The following LRRC9 variants were observed in gnomAD, a reference collection of about 807,000 sequenced individuals.
LRRC9 encodes the protein leucine rich repeat containing 9.
A neutral mutation model predicts 63.2 loss-of-function variants in LRRC9; 122 were observed. That is an observed-to-expected ratio of 1.93 (90% CI 1.67 to 2.24). LRRC9 has a LOEUF of 2.24. LRRC9 is among the 30% of genes most tolerant of loss of function. The pLI is 0.00. For synonymous variants in LRRC9, 366 were observed against 213.1 expected (o/e 1.72, Z -6.25); for missense variants, 1,071 against 627.7 (o/e 1.71, Z -7.55).
intron 23 of LRRC9, 122 bp downstream of exon 23, chr14:60,008,336 A>C: frequency 2.0e-6 from 1 of 497,514 alleles, no homozygotes; most frequent in Non-Finnish European, 3.5e-6. Context: ...ATACTTATTA[A>C]ATCTAGGTCT....
chr14:59,986,938 T>G lies in LRRC9; in HGVS notation c.2211+1714T>G, dbSNP rs1887532877. ...CTTTCAAATGTCAAGTCTCTAAAAA[T>G]GACTCTAAGGATATTAGAGGTGGCC... On this transcript the variant is annotated intron_variant, in intron 17 of 31. Coordinates refer to ENST00000445360, the Ensembl canonical transcript of LRRC9. The surrounding 1 kb of genome is among the most constrained non-coding windows in gnomAD (Gnocchi z 4.7). Among the ~76,000 whole-genome samples the G allele has an allele frequency of 6.6e-6, 1 of 152,150 alleles. No homozygotes were observed. Among genetic ancestry groups the G allele is most frequent in the African/African-American group, 2.4e-5 (1 of 41,446 alleles).
intron 27 of LRRC9, among the ~76,000 whole-genome samples, chr14:60,025,228 C>T (rs1226328892): frequency 1.3e-5 from 2 of 151,758 alleles, no homozygotes; most frequent in African/African-American, 4.8e-5. Flanking sequence ...GTAGCTGGGA[C>T]TATAGGCTTG....
intron 19 of LRRC9, among the ~76,000 whole-genome samples, chr14:59,999,518 C>T (rs1194488561): frequency 6.6e-6 from 1 of 152,010 alleles, no homozygotes; most frequent in African/African-American, 2.4e-5. Context: ...CTAGAGCCTA[C>T]ATGAAAATAA....
Position 59,958,120 on chromosome 14 carries a change from A to G in LRRC9, c.883-1698A>G, listed in dbSNP as rs1883969853. Among the ~76,000 whole-genome samples the G allele has an allele frequency of 6.6e-6, 1 of 152,166 alleles. No homozygotes were observed. Among genetic ancestry groups the G allele is most frequent in the Non-Finnish European group, 1.5e-5 (1 of 68,028 alleles). On this transcript the variant is annotated intron_variant, in intron 8 of 31. Coordinates refer to ENST00000445360, the Ensembl canonical transcript of LRRC9. This position sits in a 1 kb window ranked among gnomAD's most constrained non-coding sequence, Gnocchi z 4.0. ...GGCACGGGGGTCAGGAACCCACTTGAGCAGGCAGTCTGTCCCTTAGCAGAG... is the reference window on the plus strand; with the variant it reads ...GGCACGGGGGTCAGGAACCCACTTGGGCAGGCAGTCTGTCCCTTAGCAGAG...
chr14:60,063,438 C>T (rs2140481964), exon 32 of LRRC9: 1 of 623,812 alleles, frequency 1.6e-6, no homozygotes, highest in Non-Finnish European at 2.8e-6. Flanking sequence ...GGACAGTGGT[C>T]AGTTAAAAAA....
chr14:60,019,414 C>A (rs976517960), intron 26 of LRRC9, among the ~76,000 whole-genome samples, 154 bp downstream of exon 26: 1 of 151,902 alleles, frequency 6.6e-6, no homozygotes, highest in Middle Eastern at 3.4e-3. Flanking sequence ...CAAAAATAAA[C>A]TTCATAATAA....
Position 59,986,061 on chromosome 14 carries a change from G to C in LRRC9, c.2211+837G>C, listed in dbSNP as rs765850884. Among the ~76,000 whole-genome samples, 16 of 152,040 alleles carry C rather than the reference G, an allele frequency of 1.1e-4. No homozygotes were observed. Among genetic ancestry groups the C allele is most frequent in the Non-Finnish European group, 2.4e-4 (16 of 67,948 alleles). Reference sequence around the variant, plus strand: ...TCAGTTCCTCCCATCTGCTCATCCAGGTTATTATTTCTTTCTTTCTGTCTT... The same window carrying C: ...TCAGTTCCTCCCATCTGCTCATCCACGTTATTATTTCTTTCTTTCTGTCTT... On this transcript the variant is annotated intron_variant, in intron 17 of 31. Coordinates refer to ENST00000445360, the Ensembl canonical transcript of LRRC9. The surrounding 1 kb of genome is among the most constrained non-coding windows in gnomAD (Gnocchi z 4.7).
rs886822696 is a variant in LRRC9 at position 60,042,288 on chromosome 14, G to T, written c.3990+10225G>T. Among the ~76,000 whole-genome samples, 2 of 152,210 alleles carry T rather than the reference G, an allele frequency of 1.3e-5. No individual in the cohort carries two copies. Among genetic ancestry groups the T allele is most frequent in the African/African-American group, 4.8e-5 (2 of 41,450 alleles). On this transcript the variant is annotated intron_variant, in intron 29 of 31. Coordinates refer to ENST00000445360, the Ensembl canonical transcript of LRRC9. The surrounding 1 kb of genome is among the most constrained non-coding windows in gnomAD (Gnocchi z 4.2). Reference sequence around the variant, plus strand: ...ACTCTCTTCAAAGCTGTCAGATAGGGACGTTTAAGTCTGCAGAAGTTTCTG... The same window carrying T: ...ACTCTCTTCAAAGCTGTCAGATAGGTACGTTTAAGTCTGCAGAAGTTTCTG...
chr14:60,051,343 A>C lies in LRRC9; in HGVS notation c.3991-1722A>C, dbSNP rs1362492706. ...GAAGAATGGATCAGGGTGCCACTTAAAGAAGCAGTCTGAGCATGATCTTGC... is the reference window on the plus strand; with the variant it reads ...GAAGAATGGATCAGGGTGCCACTTACAGAAGCAGTCTGAGCATGATCTTGC... On this transcript the variant is annotated intron_variant, in intron 29 of 31. Transcript: ENST00000445360. The surrounding 1 kb of genome is among the most constrained non-coding windows in gnomAD (Gnocchi z 4.7). Among the ~76,000 whole-genome samples the C allele has an allele frequency of 6.6e-6, 1 of 152,164 alleles. No homozygotes were observed. Among genetic ancestry groups the C allele is most frequent in the Admixed American group, 6.5e-5 (1 of 15,278 alleles).
In LRRC9 at chr14:60,003,328, G is replaced by T. The variant is rs1889543605; in HGVS notation, c.2665-293G>T. Reference sequence around the variant, plus strand: ...AAGGCAGTCCCTGCAGGGACTGACAGCTGAAGACTCTGCCAGAAGCACTCC... The same window carrying T: ...AAGGCAGTCCCTGCAGGGACTGACATCTGAAGACTCTGCCAGAAGCACTCC... On this transcript the variant is annotated intron_variant, in intron 20 of 31. Transcript: ENST00000445360. The surrounding 1 kb of genome is among the most constrained non-coding windows in gnomAD (Gnocchi z 4.2). Among the ~76,000 whole-genome samples, 1 of 152,228 alleles carries T rather than the reference G, an allele frequency of 6.6e-6. No individual in the cohort carries two copies.
intron 30 of LRRC9, 156 bp from the exon 31 acceptor site, chr14:60,057,722 C>A: frequency 5.6e-6 from 2 of 355,056 alleles, no homozygotes; most frequent in Non-Finnish European, 1.0e-5. Flanking sequence ...GCTGATTTTA[C>A]AGGTTTTACC....
rs141309362 is a variant in LRRC9, at chr14:59,929,903, G to A, written c.268-1015G>A. On this transcript the variant is annotated intron_variant, in intron 3 of 31. Coordinates refer to ENST00000445360, the Ensembl canonical transcript of LRRC9. ...AACACATGGACACATAGAGGGGAAC[G>A]ACAGACTCTGGGGCCTACTGAAGGT... 4.0e-3 allele frequency among the ~76,000 whole-genome samples: 601 copies of A among 151,986 alleles called. 3 individuals are homozygous for A. Among genetic ancestry groups the A allele is most frequent in the Admixed American group, 6.6e-3 (101 of 15,250 alleles).
At chr14:60,038,978 G>T (rs1294906769) in intron 29 of LRRC9, among the ~76,000 whole-genome samples, 1 of 151,332 alleles carries the variant, frequency 6.6e-6, no homozygotes, top group Admixed American at 6.6e-5. Context: ...TAGCATGAAG[G>T]GCTGAATTTT....
rs1026563927 is a variant in LRRC9, at chr14:59,990,005, G to A, written c.2211+4781G>A. 8.2e-5 allele frequency among the ~76,000 whole-genome samples: 12 copies of A among 145,882 alleles called. No individual in the cohort carries two copies. Among genetic ancestry groups the A allele is most frequent in the African/African-American group, 2.8e-4 (11 of 39,110 alleles). On this transcript the variant is annotated intron_variant, in intron 17 of 31. Coordinates refer to ENST00000445360, the Ensembl canonical transcript of LRRC9. This position sits in a 1 kb window ranked among gnomAD's most constrained non-coding sequence, Gnocchi z 4.2. The stretch of plus-strand genomic sequence containing the variant: ...TGCAGTGGCGCAATCTCGGCTCACC[G>A]CAACATCCACCTCCTGGATTCAAGT...
chr14:59,976,094 G>A (rs1886252091), intron 13 of LRRC9, among the ~76,000 whole-genome samples: 1 of 152,218 alleles, frequency 6.6e-6, no homozygotes, highest in Non-Finnish European at 1.5e-5. Flanking sequence ...CTCCTTATGA[G>A]AACCTAATGC....
intron 23 of LRRC9, among the ~76,000 whole-genome samples, 186 bp from the exon 24 acceptor site, chr14:60,016,474 G>A (rs1032759537): frequency 1.3e-5 from 2 of 152,076 alleles, no homozygotes; most frequent in Non-Finnish European, 2.9e-5. Flanking sequence ...CCAGTGTGCT[G>A]GGATTATAGG....
intron 7 of LRRC9, 30 bp from the exon 8 acceptor site, chr14:59,944,559 A>G: frequency 5.5e-6 from 3 of 542,706 alleles, no homozygotes; most frequent in Non-Finnish European, 9.7e-6. Context: ...GTTTTAGCTA[A>G]TTTTTTGTTG....
chr14:59,968,439 G>A (rs1038726482), intron 12 of LRRC9, among the ~76,000 whole-genome samples: 1 of 152,176 alleles, frequency 6.6e-6, no homozygotes, highest in Admixed American at 6.5e-5. Context: ...TCTATCTTAT[G>A]TATATTTTGC....
chr14:59,963,524 A>C (rs559046696), intron 10 of LRRC9, among the ~76,000 whole-genome samples: 17 of 152,078 alleles, frequency 1.1e-4, no homozygotes, highest in Admixed American at 1.0e-3. Context: ...AAAAAAAAAA[A>C]CACCTTTAAA....
Sources: gnomAD v4.1 joint callset for allele counts (sites outside exome capture counted in the v4.1 genomes callset) on GRCh38, gnomAD v4.1.1 for gene constraint, Gnocchi (gnomAD v3.1) non-coding constraint, MANE v1.5 for transcripts, NCBI Gene and HGNC (gene_info 2026-07-23, HGNC 2026-07-21) for gene names.